The following POU5F1 variants were observed in gnomAD, a reference collection of about 807,000 sequenced individuals.
POU5F1 encodes POU class 5 homeobox 1.
A neutral mutation model predicts 38.3 loss-of-function variants in POU5F1; 6 were observed. The observed-to-expected ratio is 0.16, with a 90% CI of 0.09 to 0.31. POU5F1 has a LOEUF of 0.31. Among genes scored for constraint, POU5F1 ranks in the 10% least tolerant of loss-of-function variants. The pLI is 1.00. For synonymous variants in POU5F1, 147 were observed against 194.9 expected (o/e 0.75, Z 2.05); for missense variants, 286 against 462.6 (o/e 0.62, Z 3.50).
chr6:31,168,129 G>T (rs1469145967), intron 1 of POU5F1, among the ~76,000 whole-genome samples: 9 of 152,008 alleles, frequency 5.9e-5, no homozygotes, highest in Admixed American at 5.9e-4. Context: ...TAGTAGATAT[G>T]GGGTTTCACC....
Position 31,165,798 on chromosome 6 carries a change from T to C in POU5F1, c.527-97A>G. On this transcript the variant is annotated intron_variant, in intron 2 of 4. Coordinates refer to ENST00000259915, the MANE Select transcript of POU5F1 (RefSeq NM_002701.6). The surrounding 1 kb of genome is among the most constrained non-coding windows in gnomAD (Gnocchi z 6.5). ...CTTACCACCTCTTCCCAGAGGGAGC[T>C]CAAAGCATCTTCTCCCTCTCCCTAC... 1 of 1,488,038 alleles carries C rather than the reference T, an allele frequency of 6.7e-7. No individual in the cohort carries two copies. The highest frequency in any genetic ancestry group is 1.2e-5 in the South Asian group (1 of 84,142). 92.2% of individuals were successfully genotyped at this position (1,488,038 alleles called of 1,614,324 possible).
At position 31,170,533 on chromosome 6, in the gene POU5F1, C is replaced by A. The variant is rs41257954; in HGVS notation, c.88G>T (p.Val30Phe). 1.9e-6 allele frequency: 3 copies of A among 1,581,508 alleles called. No individual in the cohort carries two copies. The South Asian group carries it at 3.4e-5, about 18-fold the overall frequency. ...AAGCTTAGCCAGGTCCGAGGATCAACCCAGCCCGGCTCCGGCCCCCCTGGC... is the reference window on the plus strand; with the variant it reads ...AAGCTTAGCCAGGTCCGAGGATCAAACCAGCCCGGCTCCGGCCCCCCTGGC... ...DGPGGPEPGW[V>F]DPRTWLSFQG... Residue 30 changes from valine (V) to phenylalanine (F), a missense_variant, in exon 1 of 5, where the codon GTT (valine) becomes TTT (phenylalanine). By Grantham distance (50) the Val-to-Phe change is conservative. Coordinates refer to ENST00000259915, the MANE Select transcript of POU5F1 (RefSeq NM_002701.6).
intron 1 of POU5F1, chr6:31,166,752 G>A: frequency 4.2e-6 from 5 of 1,178,194 alleles, no homozygotes; most frequent in Non-Finnish European, 5.3e-6. Context: ...TGAGATTAGA[G>A]AAATAGATAA....
Position 31,166,025 on chromosome 6 carries a change from T to G in POU5F1, c.428A>C (p.Gln143Pro). 1.9e-6 allele frequency: 3 copies of G among 1,614,250 alleles called. No homozygotes were observed. Among genetic ancestry groups the G allele is most frequent in the Non-Finnish European group, 2.5e-6 (3 of 1,180,044 alleles). Residue 143 changes from glutamine to proline, a missense_variant, in exon 2 of 5, where the codon CAG (glutamine) becomes CCG (proline). Coordinates refer to ENST00000259915, the MANE Select transcript of POU5F1 (RefSeq NM_002701.6). The part of the protein sequence containing the change: ...PEESQDIKAL[Q>P]KELEQFAKLL... ...CTTGGCAAATTGCTCGAGTTCTTTC[T>G]GCAGAGCTTTGATGTCCTGGGACTG...
At chr6:31,166,324 AAGAG>A in intron 1 of POU5F1, 1 of 1,454,746 alleles carries the variant, frequency 6.9e-7, no homozygotes, top group Non-Finnish European at 9.1e-7. Flanking sequence ...AAAGGACAGA[AAGAG>A]AGACCCTGGC....
chr6:31,166,249 T>C, intron 1 of POU5F1: 1 of 1,546,368 alleles, frequency 6.5e-7, no homozygotes, highest in Non-Finnish European at 8.7e-7. Flanking sequence ...CACTGACTCA[T>C]GCATGTAACA....
chr6:31,167,966 G>A (rs184362958), intron 1 of POU5F1, among the ~76,000 whole-genome samples: 283 of 151,592 alleles, frequency 1.9e-3, no homozygotes, highest in African/African-American at 6.6e-3. Context: ...CCACCAAGAC[G>A]GAATCTCGTT....
intron 1 of POU5F1, chr6:31,167,092 G>A (rs1777326787): frequency 2.0e-6 from 1 of 506,310 alleles, no homozygotes; most frequent in African/African-American, 1.9e-5. Context: ...CTGACATCCA[G>A]CATGACAGAA....
chr6:31,165,286 T>C lies in POU5F1; in HGVS notation c.658A>G (p.Ile220Val). The change falls in exon 4 of 5, where the codon ATA becomes GTA. Residue 220 changes from isoleucine to valine, a missense_variant and splice_region_variant. Physicochemically the swap from Ile to Val is conservative, Grantham distance 29. Coordinates refer to ENST00000259915, the MANE Select transcript of POU5F1 (RefSeq NM_002701.6). This position sits in a 1 kb window ranked among gnomAD's most constrained non-coding sequence, Gnocchi z 6.5. ...TGCACGAGGGTTTCTGCTTTGCATA[T>C]CTGTGCAGGTGGGAAGGGGGTGACA... ...EADNNENLQEICKAETLVQAR... is the reference protein window; with the variant it reads ...EADNNENLQEVCKAETLVQAR... 1 of 1,609,638 alleles carries C rather than the reference T, an allele frequency of 6.2e-7. No individual in the cohort carries two copies. Among genetic ancestry groups the C allele is most frequent in the Non-Finnish European group, 8.5e-7 (1 of 1,178,234 alleles).
At position 31,165,439 on chromosome 6, in the gene POU5F1, G is replaced by A; in HGVS notation, c.657+132C>T. 5 of 1,572,188 alleles carry A rather than the reference G, an allele frequency of 3.2e-6. 1 individual carries two copies. Among genetic ancestry groups the A allele is most frequent in the Non-Finnish European group, 4.3e-6 (5 of 1,157,152 alleles). On this transcript the variant is annotated intron_variant, in intron 3 of 4. Coordinates refer to ENST00000259915, the MANE Select transcript of POU5F1 (RefSeq NM_002701.6). The surrounding 1 kb of genome is among the most constrained non-coding windows in gnomAD (Gnocchi z 6.5). The stretch of plus-strand genomic sequence containing the variant: ...GTTGGCTCTGGACCTTATCCCAGCA[G>A]AACTGAGGAATTTCACTCCATCCCA...
chr6:31,170,498 A>T lies in POU5F1; in HGVS notation c.123T>A (p.Pro41=), dbSNP rs759046399. The T allele has an allele frequency of 6.3e-6, 10 of 1,596,970 alleles. No individual in the cohort carries two copies. The highest frequency in any genetic ancestry group is 2.0e-4 in the Middle Eastern group (1 of 5,100). ...CCGGCCCGATTCCTGGCCCTCCAGG[A>T]GGGCCTTGGAAGCTTAGCCAGGTCC... The part of the protein sequence containing the change: ...DPRTWLSFQG[P]PGGPGIGPGV... Residue 41 remains proline (P), a synonymous_variant, in exon 1 of 5, where the codon CCT becomes CCA. Transcript: ENST00000259915.
intron 1 of POU5F1, chr6:31,166,995 T>C (rs1173026294): frequency 1.3e-6 from 1 of 779,016 alleles, no homozygotes; most frequent in East Asian, 3.7e-5. Context: ...TTTTTCACTA[T>C]AGAGGCATCC....
At position 31,170,584 on chromosome 6, in the gene POU5F1, G is replaced by A. The variant is rs555966532; in HGVS notation, c.37C>T (p.Pro13Ser). The A allele has an allele frequency of 1.9e-6, 3 of 1,565,624 alleles. No homozygotes were observed. In the African/African-American group the frequency reaches 4.1e-5, roughly 21 times the overall value. Reference sequence around the variant, plus strand: ...CCATCACCTCCACCACCTGGAGGGGGCGAGAAGGCGAAATCCGAAGCCAGG... The same window carrying A: ...CCATCACCTCCACCACCTGGAGGGGACGAGAAGGCGAAATCCGAAGCCAGG... ...GHLASDFAFS[P>S]PPGGGGDGPG... Residue 13 changes from proline to serine, a missense_variant, in exon 1 of 5, where the codon CCC becomes TCC. Coordinates refer to ENST00000259915, the MANE Select transcript of POU5F1 (RefSeq NM_002701.6).
At chr6:31,166,703 TTC>T in intron 1 of POU5F1, 1 of 1,172,658 alleles carries the variant, frequency 8.5e-7, no homozygotes, top group Non-Finnish European at 1.1e-6. Context: ...ACCTGCAAAA[TTC>T]TCTCACTCAA....
At chr6:31,166,299 A>T in intron 1 of POU5F1, 1 of 1,515,724 alleles carries the variant, frequency 6.6e-7, no homozygotes. Flanking sequence ...CATCCAAGGG[A>T]TGCAGAGCAT....
chr6:31,170,152 T>G (rs1433008765), intron 1 of POU5F1, 64 bp downstream of exon 1: 2 of 1,611,012 alleles, frequency 1.2e-6, no homozygotes, highest in East Asian at 4.5e-5. Context: ...GGTGACCACT[T>G]CCCCATCAGG....
chr6:31,165,373 C>G lies in POU5F1; in HGVS notation c.658-87G>C. 6.4e-7 allele frequency: 1 copy of G among 1,569,530 alleles called. No homozygotes were observed. The highest frequency in any genetic ancestry group is 8.7e-7 in the Non-Finnish European group (1 of 1,155,462). ...AGGGGTCTGTGACTAGATGTGTCAG[C>G]AGAGCCAGGTGGTGGTGTGAAAAGG... is the stretch of plus-strand genomic sequence containing the variant. On this transcript the variant is annotated intron_variant, in intron 3 of 4. Coordinates refer to ENST00000259915, the MANE Select transcript of POU5F1 (RefSeq NM_002701.6). This position sits in a 1 kb window ranked among gnomAD's most constrained non-coding sequence, Gnocchi z 6.5.
intron 1 of POU5F1, chr6:31,167,244 G>A (rs1777337633): frequency 3.4e-6 from 1 of 294,754 alleles, no homozygotes; most frequent in Non-Finnish European, 6.5e-6. Flanking sequence ...AATAAAAAAT[G>A]GCCAGGCACA....
At chr6:31,167,781 C>T (rs1434940182) in intron 1 of POU5F1, among the ~76,000 whole-genome samples, 2 of 151,962 alleles carry the variant, frequency 1.3e-5, no homozygotes, top group Non-Finnish European at 2.9e-5. Context: ...AGGAGGGTGA[C>T]ACTTTTAAAG....
Sources: gnomAD v4.1 joint callset for allele counts (sites outside exome capture counted in the v4.1 genomes callset) on GRCh38, gnomAD v4.1.1 for gene constraint, Gnocchi (gnomAD v3.1) non-coding constraint, MANE v1.5 for transcripts, NCBI Gene and HGNC (gene_info 2026-07-23, HGNC 2026-07-21) for gene names.